The following DROSHA variants were observed in gnomAD, a reference collection of about 807,000 sequenced individuals.
DROSHA encodes drosha ribonuclease III.
Under a neutral mutation model 181.9 loss-of-function variants are expected in DROSHA, and 56 were observed. The observed-to-expected ratio is 0.31, with a 90% CI of 0.25 to 0.38. The LOEUF is 0.38. DROSHA is among the 10% of genes least tolerant of loss of function. The pLI is 1.00. For synonymous variants in DROSHA, 524 were observed against 591.2 expected, an observed-to-expected ratio of 0.89 and a Z score of 1.65; for missense variants, 1,218 against 1,743.5, an observed-to-expected ratio of 0.70 and a Z score of 5.37.
Position 31,508,737 on chromosome 5 carries a change from T to G in DROSHA, c.1471A>C (p.Ser491Arg). Residue 491 changes from serine to arginine, a missense_variant, in exon 10 of 36, where the codon AGC (serine) becomes CGC (arginine). Around this residue, in one of 8 missense-constraint regions of DROSHA, gnomAD observed 460 missense variants for 774.2 expected, o/e 0.59. Coordinates refer to ENST00000344624, the MANE Select transcript of DROSHA (RefSeq NM_001382508.1). ...SESECESDEDSTCSSSSDSEV... is the reference protein window; with the variant it reads ...SESECESDEDRTCSSSSDSEV... ...GAGTCTGAGCTGCTAGAACAGGTGC[T>G]GTCCTCATCAGACTCACACTCGGAT... 6.2e-7 allele frequency: 1 copy of G among 1,613,920 alleles called. No individual in the cohort carries two copies. The highest frequency in any genetic ancestry group is 8.5e-7 in the Non-Finnish European group (1 of 1,179,868).
chr5:31,429,412 G>T, intron 27 of DROSHA, 63 bp downstream of exon 27: 1 of 1,446,136 alleles, frequency 6.9e-7, no homozygotes, highest in Non-Finnish European at 9.4e-7. Context: ...ACAAAGACCA[G>T]CTGAAATAAA....
intron 33 of DROSHA, chr5:31,408,787 T>G (rs1437000837): frequency 1.2e-5 from 4 of 326,276 alleles, no homozygotes; most frequent in Non-Finnish European, 2.2e-5. Flanking sequence ...ATAATCTTAG[T>G]TGGTCTCCCT....
intron 13 of DROSHA, among the ~76,000 whole-genome samples, chr5:31,488,407 T>A (rs4867341): frequency 8.6e-6 from 1 of 116,660 alleles, no homozygotes. Context: ...AGCAAAACTC[T>A]ATCACCAAAA....
intron 35 of DROSHA, among the ~76,000 whole-genome samples, chr5:31,403,844 C>G (rs1382181287): frequency 6.6e-6 from 1 of 152,138 alleles, no homozygotes; most frequent in Non-Finnish European, 1.5e-5. Context: ...GGATATACCA[C>G]AATTTATTAA....
At chr5:31,478,678 G>A (rs1320038001) in intron 16 of DROSHA, among the ~76,000 whole-genome samples, 1 of 152,122 alleles carries the variant, frequency 6.6e-6, no homozygotes, top group African/African-American at 2.4e-5. Flanking sequence ...AGGTTGCAGT[G>A]AGCCGAGATG....
chr5:31,432,899 T>C (rs1744344572), intron 25 of DROSHA, among the ~76,000 whole-genome samples: 2 of 152,214 alleles, frequency 1.3e-5, no homozygotes, highest in Non-Finnish European at 2.9e-5. Context: ...TGAAAGAATA[T>C]TTTTTATGCA....
At chr5:31,516,471 C>A (rs940604942) in intron 6 of DROSHA, among the ~76,000 whole-genome samples, 68 of 152,292 alleles carry the variant, frequency 4.5e-4, no homozygotes, top group African/African-American at 1.5e-3. Context: ...CTACCACTAA[C>A]TTGTAATTTT....
At chr5:31,468,365 T>C (rs1749341178) in intron 17 of DROSHA, among the ~76,000 whole-genome samples, 1 of 152,232 alleles carries the variant, frequency 6.6e-6, no homozygotes, top group South Asian at 2.1e-4. Context: ...TAACTTTTCC[T>C]TAACCTCTCT....
At chr5:31,515,668 G>GA in intron 6 of DROSHA, 104 bp from the exon 7 acceptor site, 2 of 1,449,724 alleles carry the variant, frequency 1.4e-6, no homozygotes, top group African/African-American at 1.4e-5. Context: ...TCTTTGCCAG[G>GA]AAAAAAAGAT....
At chr5:31,417,741 G>C (rs1301471943) in intron 30 of DROSHA, among the ~76,000 whole-genome samples, 1 of 152,210 alleles carries the variant, frequency 6.6e-6, no homozygotes, top group Non-Finnish European at 1.5e-5. Context: ...GAGGTGGAGA[G>C]AGGAAGAGAA....
intron 20 of DROSHA, among the ~76,000 whole-genome samples, chr5:31,458,147 T>C: frequency 6.6e-6 from 1 of 152,236 alleles, no homozygotes. Flanking sequence ...TCTTGACTGA[T>C]GATATGCTGT....
At chr5:31,485,028 T>TTGTTC in intron 14 of DROSHA, 66 bp from the exon 15 acceptor site, 2 of 1,131,628 alleles carry the variant, frequency 1.8e-6, no homozygotes, top group South Asian at 2.9e-5. Context: ...AAGGTTCAAC[T>TTGTTC]TGTTCTTGTC....
chr5:31,471,966 T>C (rs1386026206), intron 17 of DROSHA, 97 bp downstream of exon 17: 1 of 1,267,276 alleles, frequency 7.9e-7, no homozygotes, highest in African/African-American at 1.5e-5. Context: ...AGTGACTACC[T>C]AAAACTTTTA....
At position 31,472,174 on chromosome 5, in the gene DROSHA, G is replaced by C; in HGVS notation, c.2130C>G (p.Ser710Arg). The change falls in exon 17 of 36, where the codon AGC becomes AGG. Residue 710 changes from serine (S) to arginine (R), a missense_variant. Physicochemically the swap from Ser to Arg is moderately radical, Grantham distance 110. Around this residue, in one of 8 missense-constraint regions of DROSHA, gnomAD observed 460 missense variants for 774.2 expected, o/e 0.59. Coordinates refer to ENST00000344624, the MANE Select transcript of DROSHA (RefSeq NM_001382508.1). ...HQILLYLLRC[S>R]KALVPEEEIA... The stretch of plus-strand genomic sequence containing the variant: ...TCTCCTCCTCAGGCACCAGGGCTTT[G>C]CTGCACCTTAACAAGTACAGGAGAA... The C allele has an allele frequency of 6.2e-7, 1 of 1,613,904 alleles. No individual in the cohort carries two copies. The highest frequency in any genetic ancestry group is 8.5e-7 in the Non-Finnish European group (1 of 1,179,870).
chr5:31,519,351 C>A (rs1006481329), intron 6 of DROSHA, among the ~76,000 whole-genome samples: 4 of 152,106 alleles, frequency 2.6e-5, no homozygotes, highest in African/African-American at 7.2e-5. Flanking sequence ...TAATTAATCC[C>A]ATCTAACCCA....
chr5:31,469,731 T>C (rs1580203592), intron 17 of DROSHA, among the ~76,000 whole-genome samples: 1 of 152,074 alleles, frequency 6.6e-6, no homozygotes, highest in African/African-American at 2.4e-5. Context: ...ATGGCAGGGG[T>C]TGAGGGAGCA....
chr5:31,434,158 C>T (rs149058778), intron 25 of DROSHA, among the ~76,000 whole-genome samples: 3 of 152,350 alleles, frequency 2.0e-5, no homozygotes, highest in African/African-American at 7.2e-5. Flanking sequence ...TGTCATTAGT[C>T]ATGGCTTTGT....
At chr5:31,512,854 G>A (rs115059741) in intron 8 of DROSHA, among the ~76,000 whole-genome samples, 3,891 of 152,264 alleles carry the variant, frequency 0.026, 172 homozygotes, top group African/African-American at 0.089. Flanking sequence ...AAGGACACAA[G>A]GTCCTCTGTC....
At position 31,495,307 on chromosome 5, in the gene DROSHA, G is replaced by T; in HGVS notation, c.1734C>A (p.Val578=). ...TTACTAAAAAGTTCGTAGGCGGGGA[G>T]ACTGTGATCCGGTAGTGGAAAAGTC... ...AGRLFHYRIT[V]SPPTNFLTDR... The change falls in exon 12 of 36, where the codon GTC becomes GTA. Residue 578 remains valine, a synonymous_variant. Coordinates refer to ENST00000344624, the MANE Select transcript of DROSHA (RefSeq NM_001382508.1). 1 of 1,613,896 alleles carries T rather than the reference G, an allele frequency of 6.2e-7. No homozygotes were observed. The highest frequency in any genetic ancestry group is 8.5e-7 in the Non-Finnish European group (1 of 1,179,842).
Sources: allele counts gnomAD v4.1 joint callset (sites outside exome capture counted in the v4.1 genomes callset), GRCh38; gene constraint gnomAD v4.1.1; regional missense constraint gnomAD v4.1.1; transcripts MANE v1.5; gene names NCBI Gene and HGNC (gene_info 2026-07-23, HGNC 2026-07-21).